Variants in FBXL18 observed in about 807,000 individuals in gnomAD.
The protein encoded by FBXL18 is F-box/LRR-repeat protein 18.
FBXL18 carries 36 observed loss-of-function variants against 46.0 expected under a neutral mutation model. That is an observed-to-expected ratio of 0.78 (90% CI 0.60 to 1.03). The LOEUF (loss-of-function observed/expected upper bound fraction) is 1.03, where lower values mean the gene tolerates loss of function less well. Ranked by LOEUF, FBXL18 falls within the 50% of genes least tolerant of loss-of-function variation. The pLI, the probability that FBXL18 is intolerant of heterozygous loss-of-function variation, is 0.00. For synonymous variants in FBXL18, 557 were observed against 465.3 expected (o/e 1.20, Z -2.54); for missense variants, 977 against 1,004.1 (o/e 0.97, Z 0.36).
chr7:5,463,905 T>A (rs1452863304), intron 4 of FBXL18, among the ~76,000 whole-genome samples: 1 of 150,966 alleles, frequency 6.6e-6, no homozygotes, highest in African/African-American at 2.4e-5. Flanking sequence ...CACACCCAGC[T>A]AATTTTCATA....
In FBXL18 at chr7:5,478,198, A is replaced by C. The variant is rs920887421; in HGVS notation, c.*3577T>G. ...TCCCAGGAGGGCCTCTTGGAGAAGA[A>C]ACCGCTCAGGCCCATGTCCTGGCAG... is the stretch of plus-strand genomic sequence containing the variant. On this transcript the variant is annotated 3_prime_UTR_variant, in exon 5 of 5. Transcript: ENST00000382368. The C allele has an allele frequency of 6.6e-6, 1 of 152,508 alleles. No homozygotes were observed. Among genetic ancestry groups the C allele is most frequent in the South Asian group, 2.1e-4 (1 of 4,834 alleles). 9.4% of individuals were successfully genotyped at this position (152,508 alleles called of 1,614,324 possible).
At chr7:5,456,022 C>A (rs1005739945) in intron 4 of FBXL18, among the ~76,000 whole-genome samples, 1 of 152,156 alleles carries the variant, frequency 6.6e-6, no homozygotes, top group Admixed American at 6.6e-5. Context: ...GTTTGCCCTC[C>A]GCAGTCCTTC....
intron 4 of FBXL18, among the ~76,000 whole-genome samples, chr7:5,463,704 ATT>A (rs1491170566): frequency 0.017 from 729 of 43,684 alleles, 38 homozygotes; most frequent in African/African-American, 0.062. Context: ...CTATATATAT[ATT>A]TATTTATTTA....
Position 5,460,244 on chromosome 7 carries a change from G to C in FBXL18, c.2001-12401C>G, listed in dbSNP as rs142641656. Among the ~76,000 whole-genome samples, 496 of 152,052 alleles carry C rather than the reference G, an allele frequency of 3.3e-3. 3 individuals are homozygous for C. Among genetic ancestry groups the C allele is most frequent in the African/African-American group, 0.011 (469 of 41,470 alleles). ...CTGGGCGACAGAGTGAGTGAGACTCGGTCTCCAAAAAAACAAACAAACAAA... is the reference window on the plus strand; with the variant it reads ...CTGGGCGACAGAGTGAGTGAGACTCCGTCTCCAAAAAAACAAACAAACAAA... On this transcript the variant is annotated intron_variant and NMD_transcript_variant, in intron 4 of 6. Coordinates refer to the FBXL18 transcript ENST00000415009.
chr7:5,500,344 C>T (rs1784200905), intron 3 of FBXL18, 144 bp downstream of exon 3: 1 of 716,990 alleles, frequency 1.4e-6, no homozygotes, highest in Non-Finnish European at 2.3e-6. Flanking sequence ...CCCAGAGCCC[C>T]GAGACCGACG....
intron 1 of FBXL18, among the ~76,000 whole-genome samples, chr7:5,507,750 C>T (rs1440712369): frequency 6.6e-6 from 1 of 151,776 alleles, no homozygotes; most frequent in Non-Finnish European, 1.5e-5. Context: ...AGGAGAATCG[C>T]TTGAACCCCG....
At chr7:5,467,899 A>T (rs1382673008) in intron 4 of FBXL18, among the ~76,000 whole-genome samples, 1 of 152,150 alleles carries the variant, frequency 6.6e-6, no homozygotes, top group African/African-American at 2.4e-5. Context: ...CCCTGTCATT[A>T]AAATGATGGA....
chr7:5,486,272 A>AAGG (rs1240947433), intron 4 of FBXL18, among the ~76,000 whole-genome samples: 23 of 141,846 alleles, frequency 1.6e-4, no homozygotes, highest in Admixed American at 3.6e-4. Context: ...AAAAAAAATG[A>AAGG]GCTGGTTGTG....
At chr7:5,464,953 C>G (rs1419964312) in intron 4 of FBXL18, among the ~76,000 whole-genome samples, 4 of 151,326 alleles carry the variant, frequency 2.6e-5, no homozygotes, top group Admixed American at 2.0e-4. Flanking sequence ...ATCTCAGCTA[C>G]TCGGGAGGCT....
chr7:5,509,355 C>T (rs1236402421), intron 1 of FBXL18, among the ~76,000 whole-genome samples: 2 of 152,118 alleles, frequency 1.3e-5, no homozygotes, highest in Non-Finnish European at 2.9e-5. Context: ...CCAGCCACAG[C>T]AAATTCCACA....
At position 5,500,658 on chromosome 7, in the gene FBXL18, C is replaced by A; in HGVS notation, c.1611G>T (p.Thr537=). 1 of 1,611,640 alleles carries A rather than the reference C, an allele frequency of 6.2e-7. No individual in the cohort carries two copies. The highest frequency in any genetic ancestry group is 8.5e-7 in the Non-Finnish European group (1 of 1,179,314). Residue 537 remains threonine (T), a synonymous_variant, in exon 3 of 5, where the codon ACG becomes ACT. Transcript: ENST00000382368. ...TAAGGACGCTGGGCAGCTGTGCGAGCGTCAGGTGCCGCAGGAAGGCCAGCT... is the reference window on the plus strand; with the variant it reads ...TAAGGACGCTGGGCAGCTGTGCGAGAGTCAGGTGCCGCAGGAAGGCCAGCT... ...IGQLAFLRHL[T]LAQLPSVLTG... is the part of the protein sequence containing the mutation.
intron 2 of FBXL18, among the ~76,000 whole-genome samples, 164 bp downstream of exon 2, chr7:5,505,248 C>T (rs1392017036): frequency 6.6e-6 from 1 of 152,104 alleles, no homozygotes; most frequent in African/African-American, 2.4e-5. Context: ...GCTTTTCTGC[C>T]CCTTGCTTCT....
chr7:5,460,498 G>A lies in FBXL18; in HGVS notation c.2001-12655C>T, dbSNP rs111627311. On this transcript the variant is annotated intron_variant and NMD_transcript_variant, in intron 4 of 6. Coordinates refer to the FBXL18 transcript ENST00000415009. Reference sequence around the variant, plus strand: ...AGACAGGTTCTCGCTCTGTCACCCAGGCTGGAGTGCAATGGTGCGATCTCC... The same window carrying A: ...AGACAGGTTCTCGCTCTGTCACCCAAGCTGGAGTGCAATGGTGCGATCTCC... Among the ~76,000 whole-genome samples the A allele has an allele frequency of 8.3e-3, 1,268 of 152,300 alleles. 9 individuals carry two copies. The highest frequency in any genetic ancestry group is 0.02 in the South Asian group (96 of 4,830).
intron 4 of FBXL18, among the ~76,000 whole-genome samples, chr7:5,463,004 T>TATATATATATAC (rs1221961422): frequency 6.8e-4 from 57 of 83,872 alleles, no homozygotes; most frequent in Admixed American, 1.2e-3. Flanking sequence ...ATAATATATA[T>TATATATATATAC]ACACACACAC....
At chr7:5,468,669 T>C (rs1436225020) in intron 4 of FBXL18, among the ~76,000 whole-genome samples, 2 of 152,158 alleles carry the variant, frequency 1.3e-5, no homozygotes, top group Admixed American at 6.6e-5. Flanking sequence ...GTGGTGATCT[T>C]GGCTCTCTGC....
At position 5,458,220 on chromosome 7, in the gene FBXL18, G is replaced by A. The variant is rs370196176; in HGVS notation, c.2001-10377C>T. ...CACAGCAGCGAACGGGCAGGGAGAC[G>A]GGTCCACACTGTCCGTCAATAAAAC... On this transcript the variant is annotated intron_variant and NMD_transcript_variant, in intron 4 of 6. Coordinates refer to the FBXL18 transcript ENST00000415009. 1.9e-4 allele frequency among the ~76,000 whole-genome samples: 29 copies of A among 152,186 alleles called. No homozygotes were observed. The South Asian group carries it at 4.6e-3, about 24-fold the overall frequency.
chr7:5,470,689 CTCCCCTTCCCGGGGGGGAGATG>C (rs201168762), intron 4 of FBXL18, among the ~76,000 whole-genome samples: 39,496 of 141,228 alleles, frequency 0.28, 5,334 homozygotes, highest in African/African-American at 0.32. Context: ...AGGCTGCCCC[CTCCCCTTCCCGGGGGGGAGATG>C]TCCCCTTCCC....
intron 2 of FBXL18, among the ~76,000 whole-genome samples, chr7:5,503,045 T>C (rs7800822): frequency 0.92 from 139,463 of 152,274 alleles, 63,904 homozygotes; most frequent in African/African-American, 0.94. Flanking sequence ...GATGGATGAA[T>C]CAGATGCCAA....
chr7:5,472,349 C>A (rs4448170), downstream of FBXL18, among the ~76,000 whole-genome samples: 151,084 of 152,294 alleles, frequency 0.99, 74,944 homozygotes, highest in Middle Eastern at 1. Context: ...CGTCTCTTGA[C>A]TGTGGCAGCT....
Sources: allele counts gnomAD v4.1 joint callset (sites outside exome capture counted in the v4.1 genomes callset), GRCh38; gene constraint gnomAD v4.1.1; transcripts MANE v1.5; gene names NCBI Gene and HGNC (gene_info 2026-07-23, HGNC 2026-07-21).